Variants in CAMK1D observed in about 807,000 individuals in gnomAD.
CAMK1D encodes the protein calcium/calmodulin dependent protein kinase ID.
Under a neutral mutation model 47.7 loss-of-function variants are expected in CAMK1D, and 9 were observed. That is an observed-to-expected ratio of 0.19 (90% CI 0.11 to 0.33). The LOEUF (loss-of-function observed/expected upper bound fraction) is 0.33. Among genes scored for constraint, CAMK1D ranks in the 10% least tolerant of loss-of-function variants. The probability of loss-of-function intolerance (pLI) is 1.00; values close to 1 mark genes in which losing one functional copy is unlikely to be tolerated. For missense variants in CAMK1D, 291 were observed against 488.7 expected (o/e 0.60, Z 3.81); for synonymous variants, 184 against 184.9 (o/e 0.99, Z 0.04).
chr10:12,720,999 A>T (rs189239273), intron 3 of CAMK1D, among the ~76,000 whole-genome samples: 14 of 152,348 alleles, frequency 9.2e-5, no homozygotes, highest in Middle Eastern at 3.4e-3. Flanking sequence ...GAGATGATAT[A>T]AATAGGCCCT....
At chr10:12,785,156 C>T (rs943538445) in intron 5 of CAMK1D, among the ~76,000 whole-genome samples, 4 of 152,178 alleles carry the variant, frequency 2.6e-5, no homozygotes, top group South Asian at 2.1e-4. Context: ...CTGGACGTGC[C>T]GACTGGCTTG....
At chr10:12,568,848 C>A (rs555828505) in intron 2 of CAMK1D, among the ~76,000 whole-genome samples, 1 of 152,074 alleles carries the variant, frequency 6.6e-6, no homozygotes, top group African/African-American at 2.4e-5. Flanking sequence ...CTTTGCCTCC[C>A]GGAGGGAATT....
intron 1 of CAMK1D, among the ~76,000 whole-genome samples, chr10:12,354,662 G>A (rs2131831844): frequency 6.6e-6 from 1 of 151,790 alleles, no homozygotes; most frequent in South Asian, 2.1e-4. Flanking sequence ...CGCCTGCCTC[G>A]GCCTCCCAAA....
At chr10:12,819,002 A>G (rs1431218145) in intron 8 of CAMK1D, among the ~76,000 whole-genome samples, 1 of 152,238 alleles carries the variant, frequency 6.6e-6, no homozygotes, top group Non-Finnish European at 1.5e-5. Context: ...GATTTATCTT[A>G]TAAAGAATAA....
At chr10:12,817,991 A>G (rs1588964418) in intron 8 of CAMK1D, among the ~76,000 whole-genome samples, 1 of 152,120 alleles carries the variant, frequency 6.6e-6, no homozygotes, top group African/African-American at 2.4e-5. Flanking sequence ...GCTGGCCTGT[A>G]GTGATTGTTA....
chr10:12,609,608 A>G (rs535074987), intron 2 of CAMK1D, among the ~76,000 whole-genome samples: 1 of 152,158 alleles, frequency 6.6e-6, no homozygotes, highest in African/African-American at 2.4e-5. Context: ...TAGGGTTCAT[A>G]CTCCCATGAG....
intron 1 of CAMK1D, among the ~76,000 whole-genome samples, chr10:12,420,271 C>G (rs1379105336): frequency 6.6e-6 from 1 of 152,188 alleles, no homozygotes; most frequent in Non-Finnish European, 1.5e-5. Flanking sequence ...GTCTATGTAA[C>G]TTTAAAAAAT....
At chr10:12,453,292 C>T (rs183747185) in intron 1 of CAMK1D, among the ~76,000 whole-genome samples, 38 of 151,496 alleles carry the variant, frequency 2.5e-4, no homozygotes, top group African/African-American at 8.5e-4. Flanking sequence ...TGGGTTCAAG[C>T]GATTCTCCTG....
chr10:12,583,929 G>T (rs1348237267), intron 2 of CAMK1D, among the ~76,000 whole-genome samples: 2 of 152,234 alleles, frequency 1.3e-5, no homozygotes, highest in African/African-American at 4.8e-5. Flanking sequence ...CTGTGTGAGT[G>T]TAATTGTACT....
chr10:12,560,274 C>T (rs535894086), intron 2 of CAMK1D, among the ~76,000 whole-genome samples: 3 of 152,076 alleles, frequency 2.0e-5, no homozygotes, highest in Non-Finnish European at 4.4e-5. Context: ...GATTGGGGTC[C>T]GGGCGCGGTG....
chr10:12,615,774 G>A (rs1277162737), intron 2 of CAMK1D, among the ~76,000 whole-genome samples: 2 of 150,988 alleles, frequency 1.3e-5, no homozygotes, highest in African/African-American at 4.9e-5. Context: ...GTGTGTGTAA[G>A]TGCATGTGTG....
At chr10:12,710,135 A>G (rs558107959) in intron 3 of CAMK1D, among the ~76,000 whole-genome samples, 2 of 152,374 alleles carry the variant, frequency 1.3e-5, no homozygotes, top group East Asian at 1.9e-4. Flanking sequence ...TTAGAGCAGT[A>G]TATCATCTTT....
intron 6 of CAMK1D, among the ~76,000 whole-genome samples, chr10:12,794,479 G>A (rs986577093): frequency 1.1e-4 from 17 of 152,156 alleles, no homozygotes; most frequent in Admixed American, 6.5e-5. Context: ...ACGTACTTCT[G>A]AGTATGATTT....
chr10:12,594,241 C>T (rs1838080324), intron 2 of CAMK1D, among the ~76,000 whole-genome samples: 1 of 152,182 alleles, frequency 6.6e-6, no homozygotes, highest in Non-Finnish European at 1.5e-5. Context: ...GAACAGTGGA[C>T]ATGTCAAATT....
At chr10:12,362,682 T>C (rs897234244) in intron 1 of CAMK1D, among the ~76,000 whole-genome samples, 5 of 152,104 alleles carry the variant, frequency 3.3e-5, no homozygotes, top group Non-Finnish European at 7.4e-5. Context: ...TTTTTATTTT[T>C]TTTATTTTTA....
rs1240372327 is a variant in CAMK1D, at chr10:12,831,040, G to A, written c.*2153G>A. On this transcript the variant is annotated 3_prime_UTR_variant, in exon 11 of 11. Coordinates refer to ENST00000619168, the MANE Select transcript of CAMK1D (RefSeq NM_153498.4). ...AGGCACAGAGAAGAGCAGTTGGGAA[G>A]ACAGGCAGCTGGTCTACCCTGTCCC... 1 of 152,364 alleles carries A rather than the reference G, an allele frequency of 6.6e-6. No individual in the cohort carries two copies. Among genetic ancestry groups the A allele is most frequent in the African/African-American group, 2.4e-5 (1 of 41,366 alleles). 9.4% of individuals were successfully genotyped at this position (152,364 alleles called of 1,614,324 possible).
intron 3 of CAMK1D, among the ~76,000 whole-genome samples, chr10:12,673,376 C>G (rs1199654359): frequency 6.6e-6 from 1 of 152,074 alleles, no homozygotes; most frequent in Non-Finnish European, 1.5e-5. Context: ...TATACTTGTT[C>G]AATTTATTCT....
intron 5 of CAMK1D, among the ~76,000 whole-genome samples, chr10:12,784,577 T>C (rs1253949466): frequency 1.3e-5 from 2 of 152,210 alleles, no homozygotes; most frequent in Non-Finnish European, 2.9e-5. Context: ...TCTGCCTCTT[T>C]TCTCCTCAAA....
chr10:12,787,077 C>T (rs1376773336), intron 5 of CAMK1D, among the ~76,000 whole-genome samples: 2 of 152,030 alleles, frequency 1.3e-5, no homozygotes, highest in Non-Finnish European at 2.9e-5. Flanking sequence ...GAATTGAGAT[C>T]GTGCCACTGC....
Sources: gnomAD v4.1 joint callset for allele counts (sites outside exome capture counted in the v4.1 genomes callset) on GRCh38, gnomAD v4.1.1 for gene constraint, MANE v1.5 for transcripts, NCBI Gene and HGNC (gene_info 2026-07-23, HGNC 2026-07-21) for gene names.